The following PTPRT variants were observed in gnomAD, a reference collection of about 807,000 sequenced individuals.
The protein encoded by PTPRT is protein tyrosine phosphatase receptor type T, also known as receptor-type tyrosine-protein phosphatase T.
PTPRT carries 56 observed loss-of-function variants against 176.8 expected under a neutral mutation model. That is an observed-to-expected ratio of 0.32 (90% CI 0.26 to 0.40). PTPRT has a LOEUF of 0.40. Ranked by LOEUF, PTPRT falls within the 10% of genes least tolerant of loss-of-function variation. The pLI, the probability that PTPRT is intolerant of heterozygous loss-of-function variation, is 1.00. For synonymous variants in PTPRT, 783 were observed against 739.0 expected, an observed-to-expected ratio of 1.06 and a Z score of -0.96; for missense variants, 1,540 against 1,908.2, an observed-to-expected ratio of 0.81 and a Z score of 3.60.
chr20:42,714,061 G>A (rs2076187133), intron 6 of PTPRT, among the ~76,000 whole-genome samples: 1 of 152,172 alleles, frequency 6.6e-6, no homozygotes, highest in African/African-American at 2.4e-5. Flanking sequence ...AAAGAAGTAA[G>A]CAGAACCAAG....
chr20:42,372,279 CTTTTTTTTTTT>C (rs10588893), intron 9 of PTPRT, among the ~76,000 whole-genome samples: 2 of 83,644 alleles, frequency 2.4e-5, no homozygotes, highest in South Asian at 4.7e-4. Context: ...TTTCTTAACT[CTTTTTTTTTTT>C]TTTTTTTTTT....
chr20:42,596,065 T>C (rs932730966), intron 7 of PTPRT, among the ~76,000 whole-genome samples: 2 of 152,174 alleles, frequency 1.3e-5, no homozygotes, highest in African/African-American at 2.4e-5. Flanking sequence ...TATTCATTCA[T>C]CCACTGGTAA....
intron 7 of PTPRT, among the ~76,000 whole-genome samples, chr20:42,503,649 G>C (rs1350742234): frequency 2.0e-5 from 3 of 151,934 alleles, no homozygotes; most frequent in Non-Finnish European, 4.4e-5. Flanking sequence ...TCTAATCTCG[G>C]AGTGCAGCAT....
intron 1 of PTPRT, among the ~76,000 whole-genome samples, chr20:42,952,074 G>A (rs751124267): frequency 2.0e-5 from 3 of 152,294 alleles, no homozygotes; most frequent in East Asian, 1.9e-4. Flanking sequence ...TCAGAAGGTC[G>A]AGAGAGACTC....
At chr20:43,091,292 A>G (rs192267656) in intron 1 of PTPRT, among the ~76,000 whole-genome samples, 19 of 152,264 alleles carry the variant, frequency 1.2e-4, no homozygotes, top group Admixed American at 2.0e-4. Context: ...CGTGCAGACA[A>G]AACAGGTAAT....
chr20:42,537,248 A>G (rs1011135166), intron 7 of PTPRT, among the ~76,000 whole-genome samples: 2 of 152,154 alleles, frequency 1.3e-5, no homozygotes, highest in Non-Finnish European at 2.9e-5. Context: ...AGTATTCTGG[A>G]ATGGTGGAGA....
chr20:43,046,147 G>T (rs1986827949), intron 1 of PTPRT, among the ~76,000 whole-genome samples: 1 of 152,150 alleles, frequency 6.6e-6, no homozygotes, highest in South Asian at 2.1e-4. Flanking sequence ...AGGGTAACAT[G>T]TTCTGTCTTA....
At chr20:42,424,376 G>A (rs2059145286) in intron 9 of PTPRT, among the ~76,000 whole-genome samples, 1 of 152,134 alleles carries the variant, frequency 6.6e-6, no homozygotes, top group East Asian at 1.9e-4. Flanking sequence ...ACCCATATGG[G>A]TCAGGCTGTA....
chr20:43,069,424 T>C (rs907421958), intron 1 of PTPRT, among the ~76,000 whole-genome samples: 3 of 152,228 alleles, frequency 2.0e-5, no homozygotes, highest in African/African-American at 7.2e-5. Flanking sequence ...ATTCAGAGTA[T>C]AACAGCAAAT....
intron 11 of PTPRT, among the ~76,000 whole-genome samples, chr20:42,318,150 A>G (rs1027293057): frequency 6.6e-6 from 1 of 152,186 alleles, no homozygotes; most frequent in African/African-American, 2.4e-5. Flanking sequence ...CCATCTATGC[A>G]TGTTCATAAT....
chr20:42,884,372 C>T (rs935903583), intron 2 of PTPRT, among the ~76,000 whole-genome samples: 3 of 152,136 alleles, frequency 2.0e-5, no homozygotes, highest in African/African-American at 7.2e-5. Context: ...CATCCAGTGC[C>T]TCCTGTTTTG....
chr20:43,020,686 C>T (rs206152), intron 1 of PTPRT, among the ~76,000 whole-genome samples: 102,216 of 152,088 alleles, frequency 0.67, 37,538 homozygotes, highest in South Asian at 0.89. Flanking sequence ...CGCTCCCATG[C>T]ACACGTGACA....
chr20:42,817,164 T>G (rs976495334), intron 2 of PTPRT, among the ~76,000 whole-genome samples: 1 of 152,170 alleles, frequency 6.6e-6, no homozygotes, highest in African/African-American at 2.4e-5. Context: ...AGAAAGCCAG[T>G]AGACAACATA....
intron 9 of PTPRT, among the ~76,000 whole-genome samples, chr20:42,411,692 G>T (rs1393663655): frequency 1.3e-5 from 2 of 151,966 alleles, no homozygotes; most frequent in African/African-American, 4.8e-5. Context: ...AATATTAGAA[G>T]CACTTAATGC....
intron 7 of PTPRT, among the ~76,000 whole-genome samples, chr20:42,537,252 G>C (rs1023275699): frequency 6.6e-6 from 1 of 152,124 alleles, no homozygotes; most frequent in Non-Finnish European, 1.5e-5. Flanking sequence ...TTCTGGAATG[G>C]TGGAGAACAG....
At chr20:42,068,334 G>A (rs1004926415), downstream of PTPRT, among the ~76,000 whole-genome samples, 6 of 152,156 alleles carry the variant, frequency 3.9e-5, no homozygotes, top group East Asian at 1.9e-4. Flanking sequence ...TGACATAAGC[G>A]GTTAGGCTGA....
At chr20:42,857,874 G>A (rs898076199) in intron 2 of PTPRT, among the ~76,000 whole-genome samples, 15 of 152,124 alleles carry the variant, frequency 9.9e-5, no homozygotes, top group African/African-American at 2.2e-4. Flanking sequence ...CTGTTTATGC[G>A]GGACCCCTAT....
rs561256193 is a variant in PTPRT at position 42,259,146 on chromosome 20, T to C, written c.2177-10324A>G. Among the ~76,000 whole-genome samples the C allele has an allele frequency of 5.9e-5, 9 of 152,358 alleles. No individual in the cohort carries two copies. In the South Asian group the frequency reaches 1.7e-3, roughly 28 times the overall value. On this transcript the variant is annotated intron_variant, in intron 13 of 30. Coordinates refer to ENST00000373187, the MANE Select transcript of PTPRT (RefSeq NM_007050.6). ...ATTGTTCCTCAAGTGCTGATTTTGC[T>C]TGGTCTCCTGAATCTATGCTTCCAG...
chr20:42,783,039 C>A (rs1049227894), intron 3 of PTPRT, among the ~76,000 whole-genome samples: 5 of 152,120 alleles, frequency 3.3e-5, no homozygotes, highest in African/African-American at 7.2e-5. Context: ...AACTTCCATT[C>A]AAAGGCTTAT....
Sources: allele counts gnomAD v4.1 joint callset (sites outside exome capture counted in the v4.1 genomes callset), GRCh38; gene constraint gnomAD v4.1.1; transcripts MANE v1.5; gene names NCBI Gene and HGNC (gene_info 2026-07-23, HGNC 2026-07-21).